The following CD1B variants were observed in gnomAD, a reference collection of about 807,000 sequenced individuals.
CD1B encodes the protein CD1b molecule.
Under a neutral mutation model 39.8 loss-of-function variants are expected in CD1B, and 43 were observed. That is an observed-to-expected ratio of 1.08 (90% CI 0.85 to 1.39). The LOEUF is 1.39. Ranked by LOEUF, CD1B falls within the 40% of genes most tolerant of loss-of-function variation. CD1B has a pLI of 0.00. For synonymous variants in CD1B, 192 were observed against 152.5 expected (o/e 1.26, Z -1.91); for missense variants, 495 against 403.8 (o/e 1.23, Z -1.94).
chr1:158,311,828 G>A, the CD1B span, among the ~76,000 whole-genome samples: 1 of 152,080 alleles, frequency 6.6e-6, no homozygotes, highest in Non-Finnish European at 1.5e-5. Context: ...TTATTTCTGG[G>A]TTATATATTC....
downstream of CD1B, among the ~76,000 whole-genome samples, chr1:158,327,150 G>A (rs1479207657): frequency 1.3e-5 from 2 of 152,282 alleles, no homozygotes; most frequent in East Asian, 3.9e-4. Context: ...TTTACAGAGT[G>A]CAGATTGGTC....
the CD1B span, among the ~76,000 whole-genome samples, chr1:158,307,936 G>A: frequency 6.6e-6 from 1 of 152,186 alleles, no homozygotes; most frequent in African/African-American, 2.4e-5. Flanking sequence ...AGACAGGGAT[G>A]CCCTCTCTCA....
chr1:158,322,248 T>G, the CD1B span, among the ~76,000 whole-genome samples: 5 of 152,186 alleles, frequency 3.3e-5, no homozygotes, highest in Non-Finnish European at 7.3e-5. Context: ...ATTTATTCAT[T>G]TATTTAAAGG....
In CD1B at chr1:158,329,489, T is replaced by C. The variant is rs748425132; in HGVS notation, c.767A>G (p.Asn256Ser). Residue 256 changes from asparagine to serine, a missense_variant, in exon 4 of 6, where the codon AAT becomes AGT. Coordinates refer to ENST00000368168, the MANE Select transcript of CD1B (RefSeq NM_001764.3). ...TCGGAGATACCATGTCCAGTTAGCA[T>C]TGGGCAGGATGTCCCCTAGCTGAGT... ...QGTQLGDILP[N>S]ANWTWYLRAT... 148 of 1,614,126 alleles carry C rather than the reference T, an allele frequency of 9.2e-5. No individual in the cohort carries two copies. In the East Asian group the frequency reaches 2.6e-3, roughly 29 times the overall value.
the CD1B span, among the ~76,000 whole-genome samples, chr1:158,297,150 TAAG>T: frequency 3.9e-5 from 6 of 152,096 alleles, no homozygotes; most frequent in East Asian, 1.2e-3. Context: ...TACACAATAA[TAAG>T]ATTATCCAAG....
chr1:158,321,425 G>A, the CD1B span, among the ~76,000 whole-genome samples: 115 of 152,142 alleles, frequency 7.6e-4, 4 homozygotes, highest in South Asian at 0.023. Flanking sequence ...GCTCTTATAG[G>A]CAGCATATAG....
the CD1B span, among the ~76,000 whole-genome samples, chr1:158,309,078 C>T: frequency 2.0e-5 from 3 of 152,166 alleles, no homozygotes; most frequent in Admixed American, 1.3e-4. Context: ...TTGCAACCTA[C>T]TCATCTGACA....
intron 4 of CD1B, 106 bp from the exon 5 acceptor site, chr1:158,329,120 C>T: frequency 9.7e-7 from 1 of 1,036,036 alleles, no homozygotes; most frequent in Non-Finnish European, 1.4e-6. Flanking sequence ...TTTCCAACTT[C>T]CTCTCTCATA....
At chr1:158,313,606 G>C in the CD1B span, among the ~76,000 whole-genome samples, 1 of 152,082 alleles carries the variant, frequency 6.6e-6, no homozygotes, top group African/African-American at 2.4e-5. Flanking sequence ...AACCACTTCT[G>C]TCCTGTAATT....
Position 158,329,999 on chromosome 1 carries a change from C to T in CD1B, c.460G>A (p.Glu154Lys), listed in dbSNP as rs767917703. 1 of 1,614,112 alleles carries T rather than the reference C, an allele frequency of 6.2e-7. No individual in the cohort carries two copies. Among genetic ancestry groups the T allele is most frequent in the South Asian group, 1.1e-5 (1 of 91,082 alleles). Reference protein sequence around the residue: ...VKNASCVPSPEGGSRAQKFCA... With the variant: ...VKNASCVPSPKGGSRAQKFCA... ...AATTTCTGTGCCCTGCTGCCACCTT[C>T]TGGGGAAGGCACACATGAAGCATTC... Residue 154 changes from glutamate (E) to lysine (K), a missense_variant, in exon 3 of 6, where the codon GAA becomes AAA. Physicochemically the swap from Glu to Lys is moderately conservative, Grantham distance 56. Coordinates refer to ENST00000368168, the MANE Select transcript of CD1B (RefSeq NM_001764.3).
In CD1B at chr1:158,330,465, G is replaced by C. The variant is rs1571189585; in HGVS notation, c.328+331C>G. The C allele has an allele frequency of 4.0e-5, 22 of 556,326 alleles. No individual in the cohort carries two copies. In the East Asian group the frequency reaches 4.5e-4, roughly 11 times the overall value. 34.5% of individuals were successfully genotyped at this position (556,326 alleles called of 1,614,324 possible). ...CGGGGAGGAGATGATTGAAAAGATG[G>C]ATTAGGGGAGAAAGCCACACGTTAG... On this transcript the variant is annotated intron_variant, in intron 2 of 5. Coordinates refer to ENST00000368168, the MANE Select transcript of CD1B (RefSeq NM_001764.3).
the CD1B span, among the ~76,000 whole-genome samples, chr1:158,285,539 G>A: frequency 1.3e-5 from 2 of 152,142 alleles, no homozygotes; most frequent in African/African-American, 4.8e-5. Flanking sequence ...AAAGCAATAT[G>A]AGATCATAGA....
At chr1:158,312,838 T>C in the CD1B span, among the ~76,000 whole-genome samples, 1 of 152,190 alleles carries the variant, frequency 6.6e-6, no homozygotes, top group Non-Finnish European at 1.5e-5. Context: ...ATGCCCCGTA[T>C]TTCTTTCTCT....
At position 158,331,086 on chromosome 1, in the gene CD1B, T is replaced by C. The variant is rs1385669174; in HGVS notation, c.62-24A>G. ...GGCTGTGAAGAGTGGAAAAGCAAGA[T>C]GGTGAAGATAAAGAGAGAAGCAGGA... On this transcript the variant is annotated intron_variant, in intron 1 of 5. Transcript: ENST00000368168. 6 of 1,577,528 alleles carry C rather than the reference T, an allele frequency of 3.8e-6. No individual in the cohort carries two copies. In the African/African-American group the frequency reaches 4.1e-5, roughly 11 times the overall value.
the CD1B span, among the ~76,000 whole-genome samples, chr1:158,306,843 T>G: frequency 1.3e-5 from 2 of 152,042 alleles, no homozygotes; most frequent in Admixed American, 6.6e-5. Flanking sequence ...GGGTACATAA[T>G]GAAATGAAGG....
chr1:158,292,323 T>C, the CD1B span: 3 of 1,614,154 alleles, frequency 1.9e-6, no homozygotes, highest in East Asian at 2.2e-5. Flanking sequence ...CCGATTTCTC[T>C]TGGGTCTCCT....
downstream of CD1B, among the ~76,000 whole-genome samples, chr1:158,325,360 T>G (rs1418760538): frequency 6.6e-6 from 1 of 152,124 alleles, no homozygotes; most frequent in Non-Finnish European, 1.5e-5. Context: ...TGATATTGCA[T>G]CAGATTGGAT....
the CD1B span, chr1:158,292,840 C>A: frequency 1.1e-5 from 18 of 1,614,016 alleles, no homozygotes; most frequent in Non-Finnish European, 1.4e-5. Context: ...TGAGACACAG[C>A]AGTCTAGGAG....
At chr1:158,318,996 C>T in the CD1B span, among the ~76,000 whole-genome samples, 1,741 of 152,130 alleles carry the variant, frequency 0.011, 31 homozygotes, top group African/African-American at 0.04. Context: ...TTGGCCCCCA[C>T]TCTCTTCTGG....
Sources: allele counts gnomAD v4.1 joint callset (sites outside exome capture counted in the v4.1 genomes callset), GRCh38; gene constraint gnomAD v4.1.1; transcripts MANE v1.5; gene names NCBI Gene and HGNC (gene_info 2026-07-23, HGNC 2026-07-21).